RAPGEF1: variants seen among roughly 807,000 people sequenced by gnomAD.
The protein encoded by RAPGEF1 is Rap guanine nucleotide exchange factor 1.
Under a neutral mutation model 143.3 loss-of-function variants are expected in RAPGEF1, and 33 were observed. The ratio of observed to expected loss-of-function variants is 0.23; its 90% CI spans 0.17 to 0.31. RAPGEF1 has a LOEUF of 0.31. RAPGEF1 is among the 10% of genes least tolerant of loss of function. The probability of loss-of-function intolerance (pLI) is 1.00; values close to 1 mark genes in which losing one functional copy is unlikely to be tolerated. For synonymous variants in RAPGEF1, 629 were observed against 676.5 expected (o/e 0.93, Z 1.09); for missense variants, 1,199 against 1,645.4 (o/e 0.73, Z 4.69).
chr9:131,673,696 C>T (rs549473044), intron 1 of RAPGEF1, among the ~76,000 whole-genome samples: 86 of 152,264 alleles, frequency 5.6e-4, no homozygotes, highest in African/African-American at 2.0e-3. Flanking sequence ...AGCACCCCCC[C>T]GGCCGCCCCA....
chr9:131,711,436 C>T (rs1190866517), intron 1 of RAPGEF1, among the ~76,000 whole-genome samples: 3 of 151,782 alleles, frequency 2.0e-5, no homozygotes, highest in Non-Finnish European at 4.4e-5. Flanking sequence ...CAGCTCACTG[C>T]AACCTCTGCT....
intron 12 of RAPGEF1, among the ~76,000 whole-genome samples, chr9:131,610,525 G>A (rs1251704901): frequency 6.6e-6 from 1 of 152,244 alleles, no homozygotes; most frequent in Admixed American, 6.5e-5. Flanking sequence ...TAAGGCTTAT[G>A]ACTTCAGAGT....
At chr9:131,597,050 G>C (rs147933401) in intron 16 of RAPGEF1, among the ~76,000 whole-genome samples, 174 of 152,302 alleles carry the variant, frequency 1.1e-3, no homozygotes, top group African/African-American at 4.0e-3. Flanking sequence ...ACCCAGCGTA[G>C]AGCCAAAAAG....
intron 12 of RAPGEF1, among the ~76,000 whole-genome samples, chr9:131,609,671 G>C (rs1185374629): frequency 6.6e-6 from 1 of 152,188 alleles, no homozygotes. Flanking sequence ...CCCCGGAGTC[G>C]AAACGATGCT....
chr9:131,645,254 A>G (rs1021832976), intron 3 of RAPGEF1, among the ~76,000 whole-genome samples: 1 of 152,358 alleles, frequency 6.6e-6, no homozygotes, highest in Admixed American at 6.5e-5. Flanking sequence ...CAACCAGGCA[A>G]GAAGAGGACT....
rs1281012434 is a variant in RAPGEF1 at position 131,605,106 on chromosome 9, G to C, written c.2144C>G (p.Ser715Cys). Residue 715 changes from serine to cysteine, a missense_variant, in exon 13 of 27, where the codon TCC (serine) becomes TGC (cysteine). Around this residue, in one of 6 missense-constraint regions of RAPGEF1, gnomAD observed 293 missense variants for 356.2 expected, o/e 0.82. Coordinates refer to ENST00000683357, the MANE Select transcript of RAPGEF1 (RefSeq NM_001377935.1). ...ASVPPFLPPT[S>C]SSSPHFPPAH... The stretch of plus-strand genomic sequence containing the variant: ...AGGTGGGAAATGTGGAGAGGAAGAG[G>C]AGGTAGGCGGAAGGAAAGGCGGAAC... 7 of 1,364,872 alleles carry C rather than the reference G, an allele frequency of 5.1e-6. No individual in the cohort carries two copies. In the African/African-American group the frequency reaches 8.9e-5, roughly 17 times the overall value. 84.5% of individuals were successfully genotyped at this position (1,364,872 alleles called of 1,614,324 possible). A position where few individuals can be genotyped will look rare whatever the true frequency, so the allele number is the denominator to read the frequency against.
rs55722149 is a variant in RAPGEF1 at position 131,586,257 on chromosome 9, A to AACACACACACAC, written c.3233+1467_3233+1478dup. On this transcript the variant is annotated intron_variant, in intron 22 of 26. Transcript: ENST00000683357. ...ACCTGCAGAGCAAGACTCTGTCTCA[A>AACACACACACAC]ACACACACACACACACACACACACA... 1.5e-3 allele frequency among the ~76,000 whole-genome samples: 133 copies of AACACACACACAC among 91,418 alleles called. 3 individuals carry two copies. Among genetic ancestry groups the AACACACACACAC allele is most frequent in the African/African-American group, 5.8e-3 (116 of 19,966 alleles). 60.0% of individuals were successfully genotyped at this position (91,418 alleles called of 152,430 possible).
intron 14 of RAPGEF1, among the ~76,000 whole-genome samples, chr9:131,603,671 C>T (rs1051040917): frequency 3.9e-5 from 6 of 152,174 alleles, no homozygotes; most frequent in African/African-American, 4.8e-5. Flanking sequence ...GATACACAGC[C>T]GGGGCCCGTG....
chr9:131,635,101 G>C (rs1407194355), intron 5 of RAPGEF1, among the ~76,000 whole-genome samples: 2 of 152,176 alleles, frequency 1.3e-5, no homozygotes, highest in East Asian at 3.9e-4. Context: ...ACCTGGAAAA[G>C]AGCCATAATC....
intron 17 of RAPGEF1, among the ~76,000 whole-genome samples, chr9:131,595,058 G>A (rs1290980667): frequency 6.6e-6 from 1 of 152,254 alleles, no homozygotes; most frequent in Non-Finnish European, 1.5e-5. Flanking sequence ...CAGCACCGCT[G>A]ACATGCGGGG....
At chr9:131,717,454 C>T (rs1835938698) in intron 1 of RAPGEF1, among the ~76,000 whole-genome samples, 1 of 152,168 alleles carries the variant, frequency 6.6e-6, no homozygotes, top group African/African-American at 2.4e-5. Flanking sequence ...AGGGAGCTTA[C>T]CTCCCAATGA....
At chr9:131,637,166 A>G (rs7020086) in intron 5 of RAPGEF1, among the ~76,000 whole-genome samples, 130,666 of 151,442 alleles carry the variant, frequency 0.86, 56,573 homozygotes, top group African/African-American at 0.93. Flanking sequence ...CAGAGGTTGC[A>G]GTGAGCCGAG....
At position 131,580,334 on chromosome 9, in the gene RAPGEF1, G is replaced by A. The variant is rs756122949; in HGVS notation, c.3570C>T (p.Asp1190=). Residue 1190 remains aspartate (D), a synonymous_variant, in exon 26 of 27, where the codon GAC becomes GAT. Coordinates refer to ENST00000683357, the MANE Select transcript of RAPGEF1 (RefSeq NM_001377935.1). ...FVHLGNPDYI[D]GKVNFSKRWQ... The stretch of plus-strand genomic sequence containing the variant: ...ACCGCTTGGAGAAGTTCACTTTCCC[G>A]TCGATGTAGTCTGGGTTTCCCAGGT... 1.3e-5 allele frequency: 21 copies of A among 1,613,846 alleles called. No homozygotes were observed. Among genetic ancestry groups the A allele is most frequent in the African/African-American group, 4.0e-5 (3 of 74,944 alleles).
chr9:131,633,716 A>G (rs1965568118), intron 5 of RAPGEF1, among the ~76,000 whole-genome samples: 1 of 152,170 alleles, frequency 6.6e-6, no homozygotes, highest in South Asian at 2.1e-4. Flanking sequence ...AAGACTATAA[A>G]AGGGGCGGGC....
chr9:131,725,740 C>T (rs1836612763), intron 1 of RAPGEF1, among the ~76,000 whole-genome samples: 1 of 150,998 alleles, frequency 6.6e-6, no homozygotes, highest in African/African-American at 2.4e-5. Context: ...AGCCCTTTGC[C>T]CATTTAAAAA....
In RAPGEF1 at chr9:131,628,333, C is replaced by G. The variant is rs1267759897; in HGVS notation, c.1017+216G>C. Among the ~76,000 whole-genome samples, 1 of 152,188 alleles carries G rather than the reference C, an allele frequency of 6.6e-6. No individual in the cohort carries two copies. Among genetic ancestry groups the G allele is most frequent in the Non-Finnish European group, 1.5e-5 (1 of 68,032 alleles). ...TGGACTCACCTATCCCCAGGAGACGCCCTTTGGCTCTGCCCTCCCTGCCCT... is the reference window on the plus strand; with the variant it reads ...TGGACTCACCTATCCCCAGGAGACGGCCTTTGGCTCTGCCCTCCCTGCCCT... On this transcript the variant is annotated intron_variant, in intron 8 of 26. Coordinates refer to ENST00000683357, the MANE Select transcript of RAPGEF1 (RefSeq NM_001377935.1). The surrounding 1 kb of genome is among the most constrained non-coding windows in gnomAD (Gnocchi z 5.7).
intron 1 of RAPGEF1, among the ~76,000 whole-genome samples, chr9:131,696,615 C>A (rs544713953): frequency 6.6e-6 from 1 of 152,280 alleles, no homozygotes; most frequent in Non-Finnish European, 1.5e-5. Context: ...AGGTGCTCAG[C>A]GAACTGTAGC....
chr9:131,668,626 G>GCGCCTAAAGCCC (rs2130721693), intron 1 of RAPGEF1, among the ~76,000 whole-genome samples: 1 of 152,222 alleles, frequency 6.6e-6, no homozygotes, highest in East Asian at 1.9e-4. Context: ...ACCACTCAAG[G>GCGCCTAAAGCCC]CGGCCTGTCC....
intron 12 of RAPGEF1, among the ~76,000 whole-genome samples, chr9:131,609,258 C>T (rs1446958608): frequency 6.6e-6 from 1 of 152,146 alleles, no homozygotes; most frequent in Non-Finnish European, 1.5e-5. Flanking sequence ...CGGATCATCT[C>T]AATTAACGTA....
Sources: gnomAD v4.1 joint callset for allele counts (sites outside exome capture counted in the v4.1 genomes callset) on GRCh38, gnomAD v4.1.1 for gene constraint, gnomAD v4.1.1 regional missense constraint, Gnocchi (gnomAD v3.1) non-coding constraint, MANE v1.5 for transcripts, NCBI Gene and HGNC (gene_info 2026-07-23, HGNC 2026-07-21) for gene names.